Variants in ITGB6 observed in about 807,000 individuals in gnomAD.
The protein encoded by ITGB6 is integrin subunit beta 6, also known as integrin beta-6.
A neutral mutation model predicts 84.5 loss-of-function variants in ITGB6; 80 were observed. The ratio of observed to expected loss-of-function variants is 0.95; its 90% CI spans 0.79 to 1.14. The LOEUF is 1.14. Ranked by LOEUF, ITGB6 falls within the 50% of genes most tolerant of loss-of-function variation. The pLI is 0.00. For synonymous variants in ITGB6, 383 were observed against 354.9 expected, an observed-to-expected ratio of 1.08 and a Z score of -0.89; for missense variants, 1,006 against 968.0, an observed-to-expected ratio of 1.04 and a Z score of -0.52.
At chr2:160,192,149 T>C (rs1487998890) in intron 4 of ITGB6, among the ~76,000 whole-genome samples, 2 of 152,134 alleles carry the variant, frequency 1.3e-5, no homozygotes, top group African/African-American at 4.8e-5. Flanking sequence ...TATATGGAAA[T>C]GCAAAGGATC....
At chr2:160,156,786 C>T (rs890720375) in intron 7 of ITGB6, among the ~76,000 whole-genome samples, 1 of 152,200 alleles carries the variant, frequency 6.6e-6, no homozygotes, top group African/African-American at 2.4e-5. Context: ...CCCATACACT[C>T]ATATCCTCTT....
Position 160,126,439 on chromosome 2 carries a change from C to T in ITGB6, c.1823G>A (p.Gly608Glu). ...TCGTTCACAGGTTGGTCCTGAGGCT[C>T]CAGGGTTTGTGCAAACACACTTGCC... The part of the protein sequence containing the change: ...VCGKCVCTNP[G>E]ASGPTCERCP... The change falls in exon 11 of 15, where the codon GGA (glycine) becomes GAA (glutamate). Residue 608 changes from glycine to glutamate, a missense_variant. By Grantham distance (98) the Gly-to-Glu change is moderately conservative. Transcript: ENST00000283249. 1 of 1,614,158 alleles carries T rather than the reference C, an allele frequency of 6.2e-7. No individual in the cohort carries two copies.
At position 160,170,749 on chromosome 2, in the gene ITGB6, G is replaced by A. The variant is rs577648757; in HGVS notation, c.922-1442C>T. On this transcript the variant is annotated intron_variant, in intron 6 of 14. Coordinates refer to ENST00000283249, the MANE Select transcript of ITGB6 (RefSeq NM_000888.5). ...CTATGTTGCAGGCAGGCATAGATAC[G>A]GTCTCTGGCTTCTGTGGATTTGTTA... 5.9e-5 allele frequency among the ~76,000 whole-genome samples: 9 copies of A among 152,260 alleles called. No individual in the cohort carries two copies. The South Asian group carries it at 6.2e-4, about 11-fold the overall frequency.
intron 7 of ITGB6, among the ~76,000 whole-genome samples, chr2:160,158,962 G>T (rs1684724862): frequency 6.6e-6 from 1 of 152,072 alleles, no homozygotes. Flanking sequence ...AACTGGGTGT[G>T]GTGGTGTGCG....
intron 13 of ITGB6, among the ~76,000 whole-genome samples, chr2:160,109,736 C>T (rs1040007305): frequency 1.3e-5 from 2 of 152,162 alleles, no homozygotes; most frequent in African/African-American, 2.4e-5. Context: ...TGTGGCCCAT[C>T]GAGTCCAGGT....
At position 160,174,030 on chromosome 2, in the gene ITGB6, TAGC is replaced by T; in HGVS notation, c.700_702del (p.Ala234del). 1 of 1,613,794 alleles carries T rather than the reference TAGC, an allele frequency of 6.2e-7. No individual in the cohort carries two copies. The highest frequency in any genetic ancestry group is 8.5e-7 in the Non-Finnish European group (1 of 1,179,908). ...AATCCACCTTCGGGTGTGTCAATAT[TAGC>T]AGAAATTTTCTGATTCTTCACAATT... On this transcript the variant is annotated inframe_deletion, in exon 5 of 15. Coordinates refer to ENST00000283249, the MANE Select transcript of ITGB6 (RefSeq NM_000888.5).
At chr2:160,156,092 C>A (rs1438969294) in intron 7 of ITGB6, among the ~76,000 whole-genome samples, 1 of 152,140 alleles carries the variant, frequency 6.6e-6, no homozygotes, top group Non-Finnish European at 1.5e-5. Context: ...AAGACAAATG[C>A]ATAGAGAAGG....
rs1435843228 is a variant in ITGB6 at position 160,116,513 on chromosome 2, G to A, written c.1982-4314C>T. ...TACCCTAAAAGAGCTCCTGAAGGAA[G>A]CACTAAACATGGAAAGGAACAACTG... On this transcript the variant is annotated intron_variant, in intron 12 of 14. Transcript: ENST00000283249. 3.9e-5 allele frequency among the ~76,000 whole-genome samples: 6 copies of A among 152,218 alleles called. No individual in the cohort carries two copies. In the South Asian group the frequency reaches 1.2e-3, roughly 32 times the overall value.
chr2:160,157,390 G>A (rs1376725928), intron 7 of ITGB6, among the ~76,000 whole-genome samples: 1 of 152,082 alleles, frequency 6.6e-6, no homozygotes, highest in Non-Finnish European at 1.5e-5. Context: ...AACTGGACAG[G>A]TAAGTACCTT....
At chr2:160,130,936 T>A (rs1000073888) in intron 10 of ITGB6, among the ~76,000 whole-genome samples, 1 of 152,178 alleles carries the variant, frequency 6.6e-6, no homozygotes, top group Non-Finnish European at 1.5e-5. Context: ...AGGACCATCA[T>A]GGCAAAAACA....
chr2:160,179,943 C>CAAAAA (rs60463723), intron 4 of ITGB6, among the ~76,000 whole-genome samples: 2 of 103,000 alleles, frequency 1.9e-5, no homozygotes. Context: ...ACTAAAAATA[C>CAAAAA]AAAAAAAAAA....
intron 4 of ITGB6, among the ~76,000 whole-genome samples, chr2:160,180,728 G>A (rs1388200996): frequency 1.3e-5 from 2 of 152,200 alleles, no homozygotes; most frequent in African/African-American, 4.8e-5. Flanking sequence ...GCTCCAGTAT[G>A]CAGCTCCCAG....
intron 12 of ITGB6, among the ~76,000 whole-genome samples, chr2:160,114,701 G>A (rs1335773287): frequency 6.6e-6 from 1 of 152,218 alleles, no homozygotes; most frequent in African/African-American, 2.4e-5. Context: ...AGCAGGGCGA[G>A]GCATTGCCTC....
chr2:160,198,946 A>G (rs761965177), intron 2 of ITGB6, among the ~76,000 whole-genome samples: 19 of 152,206 alleles, frequency 1.2e-4, no homozygotes, highest in Admixed American at 2.0e-4. Flanking sequence ...AAAAATCCCA[A>G]GTTAAAATTT....
chr2:160,145,044 T>G (rs1276087558), intron 7 of ITGB6, among the ~76,000 whole-genome samples: 1 of 152,264 alleles, frequency 6.6e-6, no homozygotes, highest in Non-Finnish European at 1.5e-5. Flanking sequence ...TATTGTAGTA[T>G]TATGATTACT....
chr2:160,120,926 G>T lies in ITGB6; in HGVS notation c.1981+2865C>A, dbSNP rs1295035949. 2.3e-5 allele frequency among the ~76,000 whole-genome samples: 3 copies of T among 129,572 alleles called. No individual in the cohort carries two copies. The East Asian group carries it at 8.0e-4, about 35-fold the overall frequency. 85.0% of individuals were successfully genotyped at this position (129,572 alleles called of 152,430 possible). On this transcript the variant is annotated intron_variant, in intron 12 of 14. Transcript: ENST00000283249. ...GGGACCGTTGTGGGATGGGGGAGGGGGGAGGGATAGCATTAGGAGATATAC... is the reference window on the plus strand; with the variant it reads ...GGGACCGTTGTGGGATGGGGGAGGGTGGAGGGATAGCATTAGGAGATATAC...
At chr2:160,109,680 G>A (rs1697049926) in intron 13 of ITGB6, among the ~76,000 whole-genome samples, 1 of 152,234 alleles carries the variant, frequency 6.6e-6, no homozygotes, top group East Asian at 1.9e-4. Context: ...GACTGAAAAT[G>A]GATTTCTACG....
At chr2:160,104,825 A>G (rs1696848018) in intron 14 of ITGB6, among the ~76,000 whole-genome samples, 1 of 152,222 alleles carries the variant, frequency 6.6e-6, no homozygotes, top group African/African-American at 2.4e-5. Flanking sequence ...AAAGCATAAT[A>G]AAAAAGATAA....
rs527310759 is a variant in ITGB6 at position 160,101,967 on chromosome 2, G to A, written c.2269-133C>T. ...CATTAGAACAATTTTGATTAATTTG[G>A]CATTTCATATGTTTAGTGTTTTGCA... On this transcript the variant is annotated intron_variant, in intron 14 of 14. Coordinates refer to ENST00000283249, the MANE Select transcript of ITGB6 (RefSeq NM_000888.5). 6.4e-5 allele frequency: 39 copies of A among 607,892 alleles called. No homozygotes were observed. In the South Asian group the frequency reaches 7.7e-4, roughly 12 times the overall value. The allele number at this position is 607,892 out of a possible 1,614,324, so 37.7% of individuals were successfully genotyped here. A position where few individuals can be genotyped will look rare whatever the true frequency, so the allele number is the denominator to read the frequency against.
Sources: allele counts gnomAD v4.1 joint callset (sites outside exome capture counted in the v4.1 genomes callset), GRCh38; gene constraint gnomAD v4.1.1; transcripts MANE v1.5; gene names NCBI Gene and HGNC (gene_info 2026-07-23, HGNC 2026-07-21).